Variants in FRMD4A observed in about 807,000 individuals in gnomAD.
The protein encoded by FRMD4A is FERM domain-containing protein 4A.
FRMD4A carries 29 observed loss-of-function variants against 129.1 expected under a neutral mutation model. The ratio of observed to expected loss-of-function variants is 0.22; its 90% CI spans 0.17 to 0.31. The LOEUF is 0.31. Among genes scored for constraint, FRMD4A ranks in the 10% least tolerant of loss-of-function variants. The pLI, the probability that FRMD4A is intolerant of heterozygous loss-of-function variation, is 1.00. For synonymous variants in FRMD4A, 634 were observed against 571.6 expected (o/e 1.11, Z -1.56); for missense variants, 1,272 against 1,375.8 (o/e 0.92, Z 1.19).
chr10:13,811,713 G>A (rs891929716), intron 3 of FRMD4A, among the ~76,000 whole-genome samples: 18 of 152,264 alleles, frequency 1.2e-4, no homozygotes, highest in African/African-American at 4.3e-4. Context: ...ACCAGGCACT[G>A]AAGTGGGGGA....
At chr10:13,876,884 A>G (rs1389782678) in intron 2 of FRMD4A, among the ~76,000 whole-genome samples, 1 of 152,106 alleles carries the variant, frequency 6.6e-6, no homozygotes, top group Non-Finnish European at 1.5e-5. Flanking sequence ...TAGGTACTAT[A>G]TAAATTAATT....
At chr10:13,746,255 G>A (rs2135070079) in intron 9 of FRMD4A, among the ~76,000 whole-genome samples, 1 of 152,148 alleles carries the variant, frequency 6.6e-6, no homozygotes, top group South Asian at 2.1e-4. Context: ...TCTGTCGCCA[G>A]GCTGGAGTGC....
intron 9 of FRMD4A, among the ~76,000 whole-genome samples, chr10:13,743,300 C>T (rs1442439984): frequency 1.3e-5 from 2 of 152,168 alleles, no homozygotes; most frequent in Non-Finnish European, 2.9e-5. Context: ...TGCAGAACTG[C>T]GTCAGGAGGT....
At chr10:13,751,965 A>G (rs543366631) in intron 8 of FRMD4A, among the ~76,000 whole-genome samples, 1 of 152,246 alleles carries the variant, frequency 6.6e-6, no homozygotes, top group South Asian at 2.1e-4. Context: ...AGAGTGAGCT[A>G]TGACCATGCC....
intron 4 of FRMD4A, among the ~76,000 whole-genome samples, chr10:13,801,602 G>T (rs555033832): frequency 6.6e-6 from 1 of 152,336 alleles, no homozygotes; most frequent in East Asian, 1.9e-4. Flanking sequence ...ACTTATCCAA[G>T]ACCCTGATGA....
At chr10:14,131,315 A>G (rs1242527162) in intron 2 of FRMD4A, among the ~76,000 whole-genome samples, 2 of 152,098 alleles carry the variant, frequency 1.3e-5, no homozygotes, top group African/African-American at 4.8e-5. Flanking sequence ...TGAGGGAGGA[A>G]CTCTAGAATG....
chr10:13,743,301 G>A (rs761380515), intron 9 of FRMD4A, among the ~76,000 whole-genome samples: 2 of 152,152 alleles, frequency 1.3e-5, no homozygotes, highest in Admixed American at 6.5e-5. Flanking sequence ...GCAGAACTGC[G>A]TCAGGAGGTT....
chr10:14,189,119 A>T (rs1048355715), intron 2 of FRMD4A, among the ~76,000 whole-genome samples: 1 of 152,204 alleles, frequency 6.6e-6, no homozygotes, highest in Non-Finnish European at 1.5e-5. Flanking sequence ...GGTGTCCTAT[A>T]GACAGTGAGA....
At chr10:13,804,523 T>TTC (rs1554907205) in intron 4 of FRMD4A, among the ~76,000 whole-genome samples, 1 of 146,664 alleles carries the variant, frequency 6.8e-6, no homozygotes, top group African/African-American at 2.6e-5. Context: ...AGTCAGGACT[T>TTC]TTTCTTTCTT....
At chr10:14,088,298 T>G (rs1474801349) in intron 2 of FRMD4A, among the ~76,000 whole-genome samples, 3 of 151,566 alleles carry the variant, frequency 2.0e-5, no homozygotes. Flanking sequence ...AAAACGACAT[T>G]TAGCGGGCTG....
intron 2 of FRMD4A, among the ~76,000 whole-genome samples, chr10:14,073,086 C>A (rs1045465097): frequency 6.6e-6 from 1 of 152,188 alleles, no homozygotes; most frequent in African/African-American, 2.4e-5. Flanking sequence ...ACTACGAGAA[C>A]CCCTTGTAAC....
intron 2 of FRMD4A, among the ~76,000 whole-genome samples, chr10:14,152,733 A>T (rs1840402573): frequency 6.6e-6 from 1 of 152,108 alleles, no homozygotes; most frequent in African/African-American, 2.4e-5. Flanking sequence ...CCACCTACTC[A>T]GGAGGCTGAG....
At chr10:13,952,899 T>C in intron 2 of FRMD4A, among the ~76,000 whole-genome samples, 1 of 151,876 alleles carries the variant, frequency 6.6e-6, no homozygotes, top group Non-Finnish European at 1.5e-5. Context: ...TTTCGCCATG[T>C]TGTCCAGACT....
At chr10:13,671,598 T>G (rs569705115) in intron 16 of FRMD4A, among the ~76,000 whole-genome samples, 1 of 152,348 alleles carries the variant, frequency 6.6e-6, no homozygotes, top group Non-Finnish European at 1.5e-5. Flanking sequence ...GTTGACAGAC[T>G]TCCATGGTGA....
intron 10 of FRMD4A, 70 bp from the exon 11 acceptor site, chr10:13,740,321 G>T: frequency 9.5e-7 from 1 of 1,057,230 alleles, no homozygotes; most frequent in East Asian, 2.4e-5. Flanking sequence ...CAGCAGATCT[G>T]GTATCATATA....
At chr10:14,140,380 C>G (rs2131840886) in intron 2 of FRMD4A, among the ~76,000 whole-genome samples, 1 of 152,290 alleles carries the variant, frequency 6.6e-6, no homozygotes, top group East Asian at 1.9e-4. Context: ...GCGTTTTAAA[C>G]AAGGATTTCA....
intron 24 of FRMD4A, 180 bp downstream of exon 24, chr10:13,651,723 T>C (rs2081605960): frequency 4.9e-6 from 3 of 609,040 alleles, no homozygotes; most frequent in Non-Finnish European, 5.9e-6. Flanking sequence ...GTTAGGAATA[T>C]CATAATTTTG....
intron 2 of FRMD4A, among the ~76,000 whole-genome samples, chr10:14,185,544 A>T (rs934626647): frequency 6.6e-6 from 1 of 152,230 alleles, no homozygotes; most frequent in South Asian, 2.1e-4. Flanking sequence ...GAAACTTGAA[A>T]CATAAAGCAA....
chr10:14,108,099 C>T (rs1837679631), intron 2 of FRMD4A, among the ~76,000 whole-genome samples: 1 of 152,192 alleles, frequency 6.6e-6, no homozygotes, highest in African/African-American at 2.4e-5. Context: ...TTCACGGTCT[C>T]TCCAATAAAA....
Sources: gnomAD v4.1 joint callset for allele counts (sites outside exome capture counted in the v4.1 genomes callset) on GRCh38, gnomAD v4.1.1 for gene constraint, MANE v1.5 for transcripts, NCBI Gene and HGNC (gene_info 2026-07-23, HGNC 2026-07-21) for gene names.